C1orf21: variants seen among roughly 807,000 people sequenced by gnomAD.
The protein encoded by C1orf21 is chromosome 1 open reading frame 21.
A neutral mutation model predicts 18.7 loss-of-function variants in C1orf21; 3 were observed. That is an observed-to-expected ratio of 0.16 (90% CI 0.07 to 0.42). The LOEUF (loss-of-function observed/expected upper bound fraction) is 0.42. Ranked by LOEUF, C1orf21 falls within the 10% of genes least tolerant of loss-of-function variation. The pLI is 0.99. For synonymous variants in C1orf21, 41 were observed against 46.4 expected (o/e 0.88, Z 0.47); for missense variants, 104 against 143.6 (o/e 0.72, Z 1.41).
At chr1:184,571,314 AAAAAG>A (rs1558005496) in intron 3 of C1orf21, among the ~76,000 whole-genome samples, 1 of 151,540 alleles carries the variant, frequency 6.6e-6, no homozygotes, top group Non-Finnish European at 1.5e-5. Flanking sequence ...AAAAAAAAAA[AAAAAG>A]AAAAGGTACG....
chr1:184,505,078 T>C (rs1658033191), intron 2 of C1orf21, among the ~76,000 whole-genome samples: 1 of 151,992 alleles, frequency 6.6e-6, no homozygotes, highest in African/African-American at 2.4e-5. Flanking sequence ...AAATGAAGAC[T>C]GAATGTCACT....
At chr1:184,548,485 A>G (rs970451160) in intron 3 of C1orf21, among the ~76,000 whole-genome samples, 12 of 129,098 alleles carry the variant, frequency 9.3e-5, no homozygotes, top group Non-Finnish European at 1.7e-4. Context: ...CGCGATCTCC[A>G]CTCACTACAA....
chr1:184,438,279 G>A (rs1656889026), intron 1 of C1orf21, among the ~76,000 whole-genome samples: 1 of 121,148 alleles, frequency 8.3e-6, no homozygotes, highest in Non-Finnish European at 1.6e-5. Context: ...TTGAGGAGGT[G>A]CTATTTTGAG....
At chr1:184,552,523 G>A (rs1053999592) in intron 3 of C1orf21, among the ~76,000 whole-genome samples, 43 of 152,172 alleles carry the variant, frequency 2.8e-4, no homozygotes, top group African/African-American at 1.0e-3. Flanking sequence ...AAGCCCAAAA[G>A]ATGGTCATGT....
chr1:184,463,509 C>T (rs756852979), intron 1 of C1orf21, among the ~76,000 whole-genome samples: 24 of 151,916 alleles, frequency 1.6e-4, no homozygotes, highest in Admixed American at 4.6e-4. Context: ...TACTAATTTC[C>T]GTAGGTTTCT....
chr1:184,529,592 G>A (rs1289540824), intron 3 of C1orf21, among the ~76,000 whole-genome samples: 1 of 152,112 alleles, frequency 6.6e-6, no homozygotes, highest in Non-Finnish European at 1.5e-5. Flanking sequence ...GTATCATATT[G>A]GATCATTATT....
intron 3 of C1orf21, among the ~76,000 whole-genome samples, chr1:184,556,084 C>T (rs1658875025): frequency 6.6e-6 from 1 of 152,070 alleles, no homozygotes; most frequent in Non-Finnish European, 1.5e-5. Context: ...ACCCCAAACA[C>T]ACACACAACA....
At chr1:184,472,279 A>G (rs78731600) in intron 1 of C1orf21, among the ~76,000 whole-genome samples, 10,166 of 152,174 alleles carry the variant, frequency 0.067, 425 homozygotes, top group Non-Finnish European at 0.082. Context: ...CTGATCTATT[A>G]ATAATGTGGC....
At chr1:184,447,627 A>G (rs1433046808) in intron 1 of C1orf21, among the ~76,000 whole-genome samples, 1 of 152,198 alleles carries the variant, frequency 6.6e-6, no homozygotes, top group Non-Finnish European at 1.5e-5. Flanking sequence ...AAACATCTAC[A>G]TCTAAATATT....
rs892991628 is a variant in C1orf21 at position 184,627,779 on chromosome 1, C to G, written c.*8223C>G. ...GGCCTCATATTCACCCATTTAAAAACTAGAGCCCCTGGCAGGTCCCCTTAG... is the reference window on the plus strand; with the variant it reads ...GGCCTCATATTCACCCATTTAAAAAGTAGAGCCCCTGGCAGGTCCCCTTAG... On this transcript the variant is annotated 3_prime_UTR_variant, in exon 6 of 6. Transcript: ENST00000235307. 2.3e-4 allele frequency: 35 copies of G among 152,182 alleles called. No homozygotes were observed. Among genetic ancestry groups the G allele is most frequent in the African/African-American group, 8.4e-4 (35 of 41,430 alleles). 9.4% of individuals were successfully genotyped at this position (152,182 alleles called of 1,614,324 possible).
At chr1:184,457,499 G>A (rs1046226639) in intron 1 of C1orf21, among the ~76,000 whole-genome samples, 1 of 151,882 alleles carries the variant, frequency 6.6e-6, no homozygotes, top group Admixed American at 6.6e-5. Context: ...TATTTCTTTC[G>A]GCTTCTTAAG....
intron 3 of C1orf21, among the ~76,000 whole-genome samples, chr1:184,563,784 T>C (rs544146339): frequency 6.6e-6 from 1 of 152,348 alleles, no homozygotes; most frequent in East Asian, 1.9e-4. Context: ...ACAAGCCATC[T>C]AGGAAAGAAA....
chr1:184,497,534 C>T (rs1657910808), intron 2 of C1orf21, among the ~76,000 whole-genome samples: 1 of 152,178 alleles, frequency 6.6e-6, no homozygotes, highest in Admixed American at 6.5e-5. Flanking sequence ...AATGTGAGCA[C>T]TGATTTTGGG....
chr1:184,503,791 G>A (rs1356073042), intron 2 of C1orf21, among the ~76,000 whole-genome samples: 3 of 152,180 alleles, frequency 2.0e-5, no homozygotes, highest in South Asian at 2.1e-4. Flanking sequence ...GATCTGCCAC[G>A]AGGTTACCTT....
intron 3 of C1orf21, among the ~76,000 whole-genome samples, chr1:184,547,096 A>G (rs975176858): frequency 2.0e-4 from 27 of 135,334 alleles, no homozygotes; most frequent in Non-Finnish European, 3.1e-4. Context: ...GTTAAAAGTC[A>G]CCAAAGTAGG....
At chr1:184,494,022 C>G (rs1351908647) in intron 2 of C1orf21, among the ~76,000 whole-genome samples, 1 of 152,134 alleles carries the variant, frequency 6.6e-6, no homozygotes, top group Non-Finnish European at 1.5e-5. Context: ...GGCTCACATT[C>G]TAGCAGGTAA....
chr1:184,548,078 C>T (rs1458294117), intron 3 of C1orf21, among the ~76,000 whole-genome samples: 1 of 152,120 alleles, frequency 6.6e-6, no homozygotes, highest in Admixed American at 6.6e-5. Context: ...GTCTGTTTCC[C>T]AAAGACCTTG....
At chr1:184,447,181 C>A (rs915235578) in intron 1 of C1orf21, among the ~76,000 whole-genome samples, 2 of 152,154 alleles carry the variant, frequency 1.3e-5, no homozygotes, top group African/African-American at 4.8e-5. Context: ...TGTCTCCTTC[C>A]TCAGTCCTCT....
intron 1 of C1orf21, among the ~76,000 whole-genome samples, chr1:184,409,348 A>C (rs1656297860): frequency 6.6e-6 from 1 of 152,116 alleles, no homozygotes; most frequent in African/African-American, 2.4e-5. Flanking sequence ...GAGGAAGTGA[A>C]ATGAGGTACT....
Sources: allele counts gnomAD v4.1 joint callset (sites outside exome capture counted in the v4.1 genomes callset), GRCh38; gene constraint gnomAD v4.1.1; transcripts MANE v1.5; gene names NCBI Gene and HGNC (gene_info 2026-07-23, HGNC 2026-07-21).